Variants in MYF6 observed in about 807,000 individuals in gnomAD.
The protein encoded by MYF6 is class C basic helix-loop-helix protein 4.
A neutral mutation model predicts 21.7 loss-of-function variants in MYF6; 20 were observed. The ratio of observed to expected loss-of-function variants is 0.92; its 90% confidence interval spans 0.65 to 1.34. The LOEUF (loss-of-function observed/expected upper bound fraction) is 1.34. Among genes scored for constraint, MYF6 ranks in the 40% most tolerant of loss-of-function variants. The pLI, the probability that MYF6 is intolerant of heterozygous loss-of-function variation, is 0.00. For missense variants in MYF6, 320 were observed against 304.1 expected (o/e 1.05, Z -0.39); for synonymous variants, 124 against 124.7 (o/e 0.99, Z 0.04).
chr12:80,708,643 A>G (rs1286003595), intron 2 of MYF6, 29 bp downstream of exon 2: 2 of 1,606,628 alleles, frequency 1.2e-6, no homozygotes, highest in Non-Finnish European at 1.7e-6. Context: ...GGGCCGCACC[A>G]GAGAAAATCC....
rs199669444 is a variant in MYF6, at chr12:80,708,011, G to T, written c.292G>T (p.Ala98Ser). The T allele has an allele frequency of 2.3e-4, 368 of 1,614,124 alleles. 2 individuals are homozygous for T. The highest frequency in any genetic ancestry group is 3.3e-5 in the Admixed American group (2 of 60,022). The stretch of plus-strand genomic sequence containing the variant: ...TGCCCCCACTGACCGGCGAAAAGCC[G>T]CCACCCTGCGCGAAAGGAGGAGGCT... ...KSAPTDRRKA[A>S]TLRERRRLKK... is the part of the protein sequence containing the mutation. The change falls in exon 1 of 3, where the codon GCC (alanine) becomes TCC (serine). Residue 98 changes from alanine to serine, a missense_variant. Coordinates refer to ENST00000228641, the MANE Select transcript of MYF6 (RefSeq NM_002469.3).
Position 80,707,913 on chromosome 12 carries a change from C to T in MYF6, c.194C>T (p.Pro65Leu). Residue 65 changes from proline to leucine, a missense_variant, in exon 1 of 3, where the codon CCC (proline) becomes CTC (leucine). By Grantham distance (98) the Pro-to-Leu change is moderately conservative. Transcript: ENST00000228641. ...DSSGEEHVLA[P>L]PGLQPPHCPG... Reference sequence around the variant, plus strand: ...AGCGGAGAGGAACATGTCCTGGCGCCCCCGGGCCTGCAGCCTCCACACTGC... The same window carrying T: ...AGCGGAGAGGAACATGTCCTGGCGCTCCCGGGCCTGCAGCCTCCACACTGC... The T allele has an allele frequency of 6.2e-7, 1 of 1,614,168 alleles. No homozygotes were observed. Among genetic ancestry groups the T allele is most frequent in the Non-Finnish European group, 8.5e-7 (1 of 1,180,030 alleles).
rs1214654868 is a variant in MYF6 at position 80,707,754 on chromosome 12, T to G, written c.35T>G (p.Phe12Cys). The change falls in exon 1 of 3, where the codon TTC (phenylalanine) becomes TGC (cysteine). Residue 12 changes from phenylalanine (F) to cysteine (C), a missense_variant. Phe to Cys is a radical substitution (Grantham distance 205, BLOSUM62 -2). Coordinates refer to ENST00000228641, the MANE Select transcript of MYF6 (RefSeq NM_002469.3). ...MMDLFETGSY[F>C]FYLDGENVTL... ...GACCTTTTTGAAACTGGCTCCTATT[T>G]CTTCTACTTGGATGGGGAAAATGTT... The G allele has an allele frequency of 3.1e-6, 5 of 1,614,192 alleles. No homozygotes were observed. The South Asian group carries it at 5.5e-5, about 18-fold the overall frequency.
chr12:80,708,429 G>A lies in MYF6; in HGVS notation c.520-95G>A, dbSNP rs1488636545. On this transcript the variant is annotated intron_variant, in intron 1 of 2. Transcript: ENST00000228641. The stretch of plus-strand genomic sequence containing the variant: ...TGCAATAGGCAGGAAATGCGTACCC[G>A]GCCCGAGGAAGCAGGAAAGCCGCCC... The A allele has an allele frequency of 2.8e-6, 4 of 1,436,240 alleles. 1 individual carries two copies. Among genetic ancestry groups the A allele is most frequent in the South Asian group, 2.3e-5 (2 of 86,632 alleles). 89.0% of individuals were successfully genotyped at this position (1,436,240 alleles called of 1,614,324 possible). A position where few individuals can be genotyped will look rare whatever the true frequency, so the allele number is the denominator to read the frequency against.
Position 80,707,688 on chromosome 12 carries a change from T to C in MYF6, c.-32T>C. On this transcript the variant is annotated 5_prime_UTR_variant, in exon 1 of 3. Coordinates refer to ENST00000228641, the MANE Select transcript of MYF6 (RefSeq NM_002469.3). ...CTGGGTTTTTGAGTCCATCACCCAG[T>C]TCAGATCGAGTCAGAGGCCAAGGAG... The C allele has an allele frequency of 6.2e-7, 1 of 1,614,028 alleles. No homozygotes were observed. The highest frequency in any genetic ancestry group is 2.2e-5 in the East Asian group (1 of 44,870).
At position 80,708,735 on chromosome 12, in the gene MYF6, G is replaced by T. The variant is rs1335448988; in HGVS notation, c.611-107G>T. On this transcript the variant is annotated intron_variant, in intron 2 of 2. Transcript: ENST00000228641. ...CCTGCGAAAAGGGCGCTCTTTGCGC[G>T]CCGGGACCAGGCCTTTCCTCGCTGC... is the stretch of plus-strand genomic sequence containing the variant. The T allele has an allele frequency of 3.3e-6, 5 of 1,514,480 alleles. No homozygotes were observed. The Admixed American group carries it at 5.0e-5, about 15-fold the overall frequency. The allele number at this position is 1,514,480 out of a possible 1,614,324, so 93.8% of individuals were successfully genotyped here. A position where few individuals can be genotyped will look rare whatever the true frequency, so the allele number is the denominator to read the frequency against.
At chr12:80,708,440 G>C in intron 1 of MYF6, 84 bp from the exon 2 acceptor site, 2 of 1,466,224 alleles carry the variant, frequency 1.4e-6, no homozygotes, top group Non-Finnish European at 1.9e-6. Context: ...GCCCGAGGAA[G>C]CAGGAAAGCC....
In MYF6 at chr12:80,708,991, A is replaced by AG; in HGVS notation, c.*32dup. 2.6e-6 allele frequency: 4 copies of AG among 1,527,906 alleles called. No homozygotes were observed. Among genetic ancestry groups the AG allele is most frequent in the Non-Finnish European group, 3.6e-6 (4 of 1,101,608 alleles). 94.6% of individuals were successfully genotyped at this position (1,527,906 alleles called of 1,614,324 possible). A position where few individuals can be genotyped will look rare whatever the true frequency, so the allele number is the denominator to read the frequency against. Reference sequence around the variant, plus strand: ...CCTGCGCTTGAGACCTTCTCCACGCAGCAGGAAGATCCCACCGACCCTTCC... The same window carrying AG: ...CCTGCGCTTGAGACCTTCTCCACGCAGGCAGGAAGATCCCACCGACCCTTCC... On this transcript the variant is annotated 3_prime_UTR_variant, in exon 3 of 3. Coordinates refer to ENST00000228641, the MANE Select transcript of MYF6 (RefSeq NM_002469.3).
intron 1 of MYF6, 37 bp from the exon 2 acceptor site, chr12:80,708,487 C>G (rs1274820617): frequency 7.8e-5 from 50 of 641,552 alleles, no homozygotes; most frequent in Non-Finnish European, 1.4e-4. Flanking sequence ...ACCGATGTTT[C>G]TTTCCTAATC....
Position 80,708,856 on chromosome 12 carries a change from G to A in MYF6, c.625G>A (p.Asp209Asn), listed in dbSNP as rs752195466. ...TTTTCGCTCAGGAGGAGCAAGTATT[G>A]ATTCGTCAGCCTCGAGTAGCCTTCG... ...ITAKEGGASI[D>N]SSASSSLRCL... The change falls in exon 3 of 3, where the codon GAT becomes AAT. Residue 209 changes from aspartate (D) to asparagine (N), a missense_variant. Physicochemically the swap from Asp to Asn is conservative, Grantham distance 23. Transcript: ENST00000228641. 7 of 1,614,116 alleles carry A rather than the reference G, an allele frequency of 4.3e-6. No homozygotes were observed. The highest frequency in any genetic ancestry group is 5.1e-6 in the Non-Finnish European group (6 of 1,179,920).
In MYF6 at chr12:80,708,200, G is replaced by T. The variant is rs749093748; in HGVS notation, c.481G>T (p.Gly161Trp). 2.5e-6 allele frequency: 4 copies of T among 1,613,244 alleles called. No homozygotes were observed. The highest frequency in any genetic ancestry group is 2.5e-6 in the Non-Finnish European group (3 of 1,179,654). ...TCAGCAGGAGAAGATGCAGGAGCTGGGGGTGGACCCCTTCAGCTACAGACC... is the reference window on the plus strand; with the variant it reads ...TCAGCAGGAGAAGATGCAGGAGCTGTGGGTGGACCCCTTCAGCTACAGACC... ...LDQQEKMQEL[G>W]VDPFSYRPKQ... Residue 161 changes from glycine (G) to tryptophan (W), a missense_variant, in exon 1 of 3, where the codon GGG (glycine) becomes TGG (tryptophan). Transcript: ENST00000228641.
intron 2 of MYF6, 28 bp from the exon 3 acceptor site, chr12:80,708,814 T>C: frequency 6.3e-7 from 1 of 1,596,000 alleles, no homozygotes; most frequent in Non-Finnish European, 8.6e-7. Flanking sequence ...CTTTGGGTGC[T>C]ATGTTTGTGT....
Position 80,708,133 on chromosome 12 carries a change from C to T in MYF6, c.414C>T (p.Ile138=). ...AGGTGGAGATTCTGCGGAGCGCCATCAGCTATATTGAGCGGCTGCAGGACC... is the reference window on the plus strand; with the variant it reads ...AGGTGGAGATTCTGCGGAGCGCCATTAGCTATATTGAGCGGCTGCAGGACC... ...LPKVEILRSA[I]SYIERLQDLL... The change falls in exon 1 of 3, where the codon ATC becomes ATT. Residue 138 remains isoleucine (I), a synonymous_variant. Coordinates refer to ENST00000228641, the MANE Select transcript of MYF6 (RefSeq NM_002469.3). The T allele has an allele frequency of 6.2e-7, 1 of 1,614,180 alleles. No individual in the cohort carries two copies. Among genetic ancestry groups the T allele is most frequent in the Non-Finnish European group, 8.5e-7 (1 of 1,180,040 alleles).
At chr12:80,708,316 C>T in intron 1 of MYF6, 78 bp downstream of exon 1, 2 of 1,551,090 alleles carry the variant, frequency 1.3e-6, no homozygotes, top group African/African-American at 1.4e-5. Flanking sequence ...CCTCCAGCTG[C>T]TTGGTCTTTT....
In MYF6 at chr12:80,709,150, T is replaced by C. The variant is rs1489912026; in HGVS notation, c.*190T>C. 1.7e-6 allele frequency: 1 copy of C among 585,862 alleles called. No homozygotes were observed. The highest frequency in any genetic ancestry group is 1.9e-5 in the African/African-American group (1 of 53,554). The allele number at this position is 585,862 out of a possible 1,614,324, so 36.3% of individuals were successfully genotyped here. On this transcript the variant is annotated 3_prime_UTR_variant, in exon 3 of 3. Coordinates refer to ENST00000228641, the MANE Select transcript of MYF6 (RefSeq NM_002469.3). ...GCGAAATCTGTTGTGCATGCTCAAATGAAAACGCCTTTCGGCTTTGGGCTT... is the reference window on the plus strand; with the variant it reads ...GCGAAATCTGTTGTGCATGCTCAAACGAAAACGCCTTTCGGCTTTGGGCTT...
At chr12:80,708,733 G>A in intron 2 of MYF6, 109 bp from the exon 3 acceptor site, 4 of 1,518,598 alleles carry the variant, frequency 2.6e-6, no homozygotes, top group Non-Finnish European at 3.7e-6. Context: ...CGCTCTTTGC[G>A]CGCCGGGACC....
chr12:80,708,857 A>C lies in MYF6; in HGVS notation c.626A>C (p.Asp209Ala). The stretch of plus-strand genomic sequence containing the variant: ...TTTCGCTCAGGAGGAGCAAGTATTG[A>C]TTCGTCAGCCTCGAGTAGCCTTCGA... ...ITAKEGGASI[D>A]SSASSSLRCL... Residue 209 changes from aspartate to alanine, a missense_variant, in exon 3 of 3, where the codon GAT becomes GCT. By Grantham distance (126) the Asp-to-Ala change is moderately radical. Coordinates refer to ENST00000228641, the MANE Select transcript of MYF6 (RefSeq NM_002469.3). 6.2e-7 allele frequency: 1 copy of C among 1,614,114 alleles called. No homozygotes were observed. Among genetic ancestry groups the C allele is most frequent in the Non-Finnish European group, 8.5e-7 (1 of 1,179,920 alleles).
In MYF6 at chr12:80,708,657, A is replaced by G. The variant is rs775568494; in HGVS notation, c.610+43A>G. ...TGGGCCGCACCAGAGAAAATCCGGG[A>G]GGTGGATAGGATGCTTGGGCCGAGA... On this transcript the variant is annotated intron_variant, in intron 2 of 2. Coordinates refer to ENST00000228641, the MANE Select transcript of MYF6 (RefSeq NM_002469.3). The G allele has an allele frequency of 4.4e-6, 7 of 1,594,030 alleles. No individual in the cohort carries two copies. In the Admixed American group the frequency reaches 1.2e-4, roughly 27 times the overall value.
Position 80,707,683 on chromosome 12 carries a change from C to T in MYF6, c.-37C>T. On this transcript the variant is annotated 5_prime_UTR_variant, in exon 1 of 3. Coordinates refer to ENST00000228641, the MANE Select transcript of MYF6 (RefSeq NM_002469.3). ...TTCCTCTGGGTTTTTGAGTCCATCA[C>T]CCAGTTCAGATCGAGTCAGAGGCCA... 5 of 1,613,750 alleles carry T rather than the reference C, an allele frequency of 3.1e-6. No individual in the cohort carries two copies. Among genetic ancestry groups the T allele is most frequent in the Non-Finnish European group, 4.2e-6 (5 of 1,179,790 alleles).
Sources: allele counts gnomAD v4.1 joint callset, GRCh38; gene constraint gnomAD v4.1.1; transcripts MANE v1.5; gene names NCBI Gene and HGNC (gene_info 2026-07-23, HGNC 2026-07-21).